COL5A1: variants seen among roughly 807,000 people sequenced by gnomAD.
The protein encoded by COL5A1 is collagen alpha-1(V) chain.
A neutral mutation model predicts 263.7 loss-of-function variants in COL5A1; 16 were observed. That is an observed-to-expected ratio of 0.06 (90% CI 0.04 to 0.09). COL5A1 has a LOEUF of 0.09. Ranked by LOEUF, COL5A1 falls within the 10% of genes least tolerant of loss-of-function variation. The pLI is 1.00. For missense variants in COL5A1, 2,036 were observed against 2,540.5 expected (o/e 0.80, Z 4.27); for synonymous variants, 1,012 against 1,004.5 (o/e 1.01, Z -0.14).
rs1831332197 is a variant in COL5A1 at position 134,642,551 on chromosome 9, G to C, written c.109+255G>C. Among the ~76,000 whole-genome samples, 1 of 152,292 alleles carries C rather than the reference G, an allele frequency of 6.6e-6. No homozygotes were observed. Among genetic ancestry groups the C allele is most frequent in the African/African-American group, 2.4e-5 (1 of 41,574 alleles). On this transcript the variant is annotated intron_variant, in intron 1 of 65. Transcript: ENST00000371817. This position sits in a 1 kb window ranked among gnomAD's most constrained non-coding sequence, Gnocchi z 4.5. ...CTGTCGCGCGAGCCGAGGAAGGACC[G>C]AGGGCTGGATCAGCAGGAGGGGTTG...
intron 65 of COL5A1, among the ~76,000 whole-genome samples, chr9:134,840,852 C>A (rs1840002550): frequency 6.6e-6 from 1 of 152,210 alleles, no homozygotes; most frequent in Admixed American, 6.5e-5. Flanking sequence ...ACCCTCAGGA[C>A]CTCCTCAACT....
rs534947295 is a variant in COL5A1 at position 134,784,809 on chromosome 9, G to A, written c.2485-180G>A. On this transcript the variant is annotated intron_variant, in intron 29 of 65. Transcript: ENST00000371817. The stretch of plus-strand genomic sequence containing the variant: ...AGCCCGGGAATTCGCGGTACAATGC[G>A]CTCGCTTTGTCAGTGGCTCCGGGAG... Among the ~76,000 whole-genome samples, 6 of 152,358 alleles carry A rather than the reference G, an allele frequency of 3.9e-5. No individual in the cohort carries two copies. In the South Asian group the frequency reaches 8.3e-4, roughly 21 times the overall value.
intron 4 of COL5A1, among the ~76,000 whole-genome samples, chr9:134,724,827 G>A (rs1433952869): frequency 6.6e-6 from 1 of 152,144 alleles, no homozygotes; most frequent in African/African-American, 2.4e-5. Context: ...GGGAGGTGGT[G>A]CCTCTGCTTG....
rs1200775276 is a variant in COL5A1 at position 134,678,231 on chromosome 9, G to A, written c.110-12681G>A. ...GGTGGTCTGTGGCTCTGAAGCCATGGGCAGCTTGCTCTACCTCTCTCACGC... is the reference window on the plus strand; with the variant it reads ...GGTGGTCTGTGGCTCTGAAGCCATGAGCAGCTTGCTCTACCTCTCTCACGC... On this transcript the variant is annotated intron_variant, in intron 1 of 65. Transcript: ENST00000371817. The surrounding 1 kb of genome is among the most constrained non-coding windows in gnomAD (Gnocchi z 5.5). Among the ~76,000 whole-genome samples, 1 of 152,178 alleles carries A rather than the reference G, an allele frequency of 6.6e-6. No individual in the cohort carries two copies. The highest frequency in any genetic ancestry group is 1.9e-4 in the East Asian group (1 of 5,194).
intron 38 of COL5A1, 63 bp from the exon 39 acceptor site, chr9:134,802,825 G>A (rs1838160871): frequency 8.1e-7 from 1 of 1,231,362 alleles, no homozygotes; most frequent in Non-Finnish European, 1.2e-6. Context: ...GATTTAGGAA[G>A]AGATTCTCAC....
At position 134,802,946 on chromosome 9, in the gene COL5A1, C is replaced by A. The variant is rs1208070050; in HGVS notation, c.3065C>A (p.Pro1022His). Residue 1022 changes from proline (P) to histidine (H), a missense_variant, in exon 39 of 66, where the codon CCC (proline) becomes CAC (histidine). Transcript: ENST00000371817. ...GERGHPGPPG[P>H]PGEQGLPGLA... Reference sequence around the variant, plus strand: ...CGTGGCCACCCTGGGCCCCCTGGACCCCCCGGTGAACAGGGGCTTCCGGGC... The same window carrying A: ...CGTGGCCACCCTGGGCCCCCTGGACACCCCGGTGAACAGGGGCTTCCGGGC... 2 of 1,611,336 alleles carry A rather than the reference C, an allele frequency of 1.2e-6. No homozygotes were observed. Among genetic ancestry groups the A allele is most frequent in the Admixed American group, 1.7e-5 (1 of 59,756 alleles).
In COL5A1 at chr9:134,796,370, C is replaced by T; in HGVS notation, c.2800-4C>T. 1 of 1,614,128 alleles carries T rather than the reference C, an allele frequency of 6.2e-7. No homozygotes were observed. Among genetic ancestry groups the T allele is most frequent in the South Asian group, 1.1e-5 (1 of 91,072 alleles). ...GCTTTTCCCCCCTCTCCTTCCCTCT[C>T]AAGGGCAACTCCGGAGGTGACGGCC... On this transcript the variant is annotated splice_polypyrimidine_tract_variant and splice_region_variant and intron_variant, in intron 34 of 65. Coordinates refer to ENST00000371817, the MANE Select transcript of COL5A1 (RefSeq NM_000093.5).
Position 134,700,427 on chromosome 9 carries a change from T to G in COL5A1, c.491+305T>G, listed in dbSNP as rs1833629979. Among the ~76,000 whole-genome samples, 1 of 152,192 alleles carries G rather than the reference T, an allele frequency of 6.6e-6. No individual in the cohort carries two copies. The highest frequency in any genetic ancestry group is 2.4e-5 in the African/African-American group (1 of 41,448). On this transcript the variant is annotated intron_variant, in intron 3 of 65. Coordinates refer to ENST00000371817, the MANE Select transcript of COL5A1 (RefSeq NM_000093.5). The surrounding 1 kb of genome is among the most constrained non-coding windows in gnomAD (Gnocchi z 4.0). The stretch of plus-strand genomic sequence containing the variant: ...GTGTCAGAAGGGACACAGGAAATTG[T>G]GAGGTTATACCCAACCTTTTCCAGA...
At chr9:134,835,248 G>A (rs553100392) in intron 65 of COL5A1, 44 bp downstream of exon 65, 40 of 1,546,532 alleles carry the variant, frequency 2.6e-5, no homozygotes, top group African/African-American at 2.0e-4. Flanking sequence ...TCACGCCTCC[G>A]TGGGGCTCGC....
At chr9:134,811,922 T>C (rs1232794645) in intron 46 of COL5A1, among the ~76,000 whole-genome samples, 1 of 152,234 alleles carries the variant, frequency 6.6e-6, no homozygotes, top group African/African-American at 2.4e-5. Flanking sequence ...TTCATGGCCA[T>C]GCCTTTTAAA....
At chr9:134,728,227 G>A (rs1322560107) in intron 5 of COL5A1, among the ~76,000 whole-genome samples, 2 of 152,248 alleles carry the variant, frequency 1.3e-5, no homozygotes, top group African/African-American at 2.4e-5. Context: ...AGCTCCTGGT[G>A]TGGGAATGGG....
chr9:134,841,871 G>A lies in COL5A1; in HGVS notation c.5371-286G>A, dbSNP rs1252166130. On this transcript the variant is annotated intron_variant, in intron 65 of 65. Coordinates refer to ENST00000371817, the MANE Select transcript of COL5A1 (RefSeq NM_000093.5). This position sits in a 1 kb window ranked among gnomAD's most constrained non-coding sequence, Gnocchi z 4.8. ...GCTGATCAGCTTCAATCCTGTGTGT[G>A]CCTCAGCCACCCCTGAAGCCTTGGG... 1.3e-5 allele frequency among the ~76,000 whole-genome samples: 2 copies of A among 152,116 alleles called. No homozygotes were observed. Among genetic ancestry groups the A allele is most frequent in the East Asian group, 3.9e-4 (2 of 5,186 alleles).
chr9:134,705,972 C>T (rs3109689), intron 4 of COL5A1, among the ~76,000 whole-genome samples: 75,931 of 152,118 alleles, frequency 0.5, 19,328 homozygotes, highest in Admixed American at 0.64. Context: ...CTGCCCGTAC[C>T]TGCACCTGCC....
intron 4 of COL5A1, among the ~76,000 whole-genome samples, chr9:134,703,636 T>G (rs899674465): frequency 7.6e-6 from 1 of 131,090 alleles, no homozygotes; most frequent in Non-Finnish European, 1.7e-5. Context: ...GGTTTTTTTT[T>G]TTTTTTTTTT....
At position 134,758,211 on chromosome 9, in the gene COL5A1, C is replaced by A; in HGVS notation, c.1882-32C>A. The A allele has an allele frequency of 6.2e-7, 1 of 1,613,096 alleles. No homozygotes were observed. The highest frequency in any genetic ancestry group is 8.5e-7 in the Non-Finnish European group (1 of 1,179,342). ...CGGGGTGTCCACGTGTGCAGGGTGG[C>A]GTCTGAGGCAGCCTTTCTGTCCTTT... On this transcript the variant is annotated intron_variant, in intron 17 of 65. Transcript: ENST00000371817. The surrounding 1 kb of genome is among the most constrained non-coding windows in gnomAD (Gnocchi z 4.1).
intron 54 of COL5A1, 142 bp downstream of exon 54, chr9:134,817,973 C>G (rs754186737): frequency 1.8e-5 from 15 of 855,064 alleles, no homozygotes; most frequent in Non-Finnish European, 2.7e-5. Context: ...TCATGGCCTA[C>G]CTGGGGAGGA....
chr9:134,822,486 C>A (rs1382899780), intron 59 of COL5A1, among the ~76,000 whole-genome samples: 2 of 152,184 alleles, frequency 1.3e-5, no homozygotes, highest in African/African-American at 4.8e-5. Context: ...GGAGCCCGGC[C>A]AGCCTGGCCC....
intron 1 of COL5A1, among the ~76,000 whole-genome samples, chr9:134,653,770 G>A (rs1158991723): frequency 6.6e-6 from 1 of 151,642 alleles, no homozygotes; most frequent in Non-Finnish European, 1.5e-5. Context: ...GCAGGGCTGG[G>A]GGTGTCTGCA....
Position 134,738,524 on chromosome 9 carries a change from C to A in COL5A1, c.1431+9C>A. The A allele has an allele frequency of 1.2e-6, 2 of 1,614,024 alleles. No homozygotes were observed. Among genetic ancestry groups the A allele is most frequent in the Non-Finnish European group, 1.7e-6 (2 of 1,180,000 alleles). ...GCCCAGAAGGCCCCGCGGTGAGTATCCGGCTTTATCCTGTGACTTGCAGAA... is the reference window on the plus strand; with the variant it reads ...GCCCAGAAGGCCCCGCGGTGAGTATACGGCTTTATCCTGTGACTTGCAGAA... On this transcript the variant is annotated intron_variant, in intron 10 of 65. Coordinates refer to ENST00000371817, the MANE Select transcript of COL5A1 (RefSeq NM_000093.5).
Sources: allele counts gnomAD v4.1 joint callset (sites outside exome capture counted in the v4.1 genomes callset), GRCh38; gene constraint gnomAD v4.1.1; non-coding constraint Gnocchi (gnomAD v3.1); transcripts MANE v1.5; gene names NCBI Gene and HGNC (gene_info 2026-07-23, HGNC 2026-07-21).